Variants in CWC27 observed in about 807,000 individuals in gnomAD.
CWC27 encodes the protein spliceosome-associated protein CWC27 homolog.
CWC27 carries 47 observed loss-of-function variants against 63.6 expected under a neutral mutation model. That is an observed-to-expected ratio of 0.74 (90% confidence interval 0.58 to 0.94). The LOEUF (loss-of-function observed/expected upper bound fraction) is 0.94. Among genes scored for constraint, CWC27 ranks in the 40% least tolerant of loss-of-function variants. The probability of loss-of-function intolerance (pLI) is 0.00; values close to 1 mark genes in which losing one functional copy is unlikely to be tolerated. For synonymous variants in CWC27, 175 were observed against 179.8 expected, an observed-to-expected ratio of 0.97 and a Z score of 0.22; for missense variants, 495 against 554.3, an observed-to-expected ratio of 0.89 and a Z score of 1.07.
chr5:64,778,106 A>G (rs1045735622), intron 2 of CWC27, among the ~76,000 whole-genome samples: 4 of 152,342 alleles, frequency 2.6e-5, no homozygotes, highest in East Asian at 1.9e-4. Flanking sequence ...TGAAAACACA[A>G]GTAATAAAGA....
Position 64,885,446 on chromosome 5 carries a change from A to G in CWC27, c.942A>G (p.Glu314=). ...TATAACTCTTTTTGCTTTATAGTGA[A>G]GAGCTCAGAAAAGAAGCAAGACAAT... ...EVEKKSVSRS[E]ELRKEARQLK... Residue 314 remains glutamate, a synonymous_variant, in exon 11 of 14, where the codon GAA becomes GAG. Coordinates refer to ENST00000381070, the MANE Select transcript of CWC27 (RefSeq NM_005869.4). 1.2e-6 allele frequency: 2 copies of G among 1,602,826 alleles called. No individual in the cohort carries two copies. The highest frequency in any genetic ancestry group is 1.7e-6 in the Non-Finnish European group (2 of 1,174,192).
intron 13 of CWC27, among the ~76,000 whole-genome samples, chr5:65,005,058 A>T (rs767377411): frequency 5.9e-5 from 9 of 151,370 alleles, no homozygotes; most frequent in Non-Finnish European, 1.0e-4. Context: ...ATTAGGCCGC[A>T]CTTGTTAGTG....
intron 9 of CWC27, among the ~76,000 whole-genome samples, chr5:64,803,986 G>GAGTT (rs1257053197): frequency 1.3e-5 from 2 of 151,830 alleles, no homozygotes; most frequent in Non-Finnish European, 2.9e-5. Flanking sequence ...AGCTGGGCAT[G>GAGTT]AGTTGAGCGA....
chr5:65,006,048 G>A (rs2112470144), intron 13 of CWC27, among the ~76,000 whole-genome samples: 1 of 152,192 alleles, frequency 6.6e-6, no homozygotes, highest in South Asian at 2.1e-4. Flanking sequence ...CATTTGAAAT[G>A]AATCTAAAGC....
chr5:64,964,974 T>C (rs530150397), intron 11 of CWC27, among the ~76,000 whole-genome samples: 1 of 152,112 alleles, frequency 6.6e-6, no homozygotes, highest in African/African-American at 2.4e-5. Context: ...AACTCAAAGA[T>C]AGTTGCAGAT....
At chr5:64,987,819 G>GT (rs1749464301) in intron 13 of CWC27, among the ~76,000 whole-genome samples, 2 of 152,004 alleles carry the variant, frequency 1.3e-5, no homozygotes, top group Non-Finnish European at 2.9e-5. Flanking sequence ...TCAAATTGTT[G>GT]TTTCCTTATA....
chr5:64,818,043 T>G (rs1205210502), intron 10 of CWC27, among the ~76,000 whole-genome samples: 2 of 152,130 alleles, frequency 1.3e-5, no homozygotes, highest in African/African-American at 4.8e-5. Context: ...TTTTAACATT[T>G]ATGGTGTTGA....
intron 10 of CWC27, among the ~76,000 whole-genome samples, chr5:64,832,946 A>G (rs796094689): frequency 1.4e-4 from 22 of 151,868 alleles, no homozygotes; most frequent in African/African-American, 5.3e-4. Context: ...TAGAGCACAG[A>G]CTCTAGGACC....
Position 64,772,642 on chromosome 5 carries a change from A to G in CWC27, c.43-2049A>G, listed in dbSNP as rs867989806. ...TCTGTCTCAAAAAAAAAAAAAAAAAAAAAAAAAAAAAAAGTCCAGGCGCAG... is the reference window on the plus strand; with the variant it reads ...TCTGTCTCAAAAAAAAAAAAAAAAAGAAAAAAAAAAAAAGTCCAGGCGCAG... On this transcript the variant is annotated intron_variant, in intron 1 of 13. Coordinates refer to ENST00000381070, the MANE Select transcript of CWC27 (RefSeq NM_005869.4). 6.9e-3 allele frequency among the ~76,000 whole-genome samples: 986 copies of G among 142,992 alleles called. 21 individuals are homozygous for G. Among genetic ancestry groups the G allele is most frequent in the African/African-American group, 0.025 (936 of 38,186 alleles). The allele number at this position is 142,992 out of a possible 152,430, so 93.8% of individuals were successfully genotyped here. A position where few individuals can be genotyped will look rare whatever the true frequency, so the allele number is the denominator to read the frequency against.
At chr5:64,946,250 C>A (rs1748590178) in intron 11 of CWC27, among the ~76,000 whole-genome samples, 2 of 152,148 alleles carry the variant, frequency 1.3e-5, no homozygotes, top group South Asian at 2.1e-4. Context: ...AGAAGGAATT[C>A]TTTAAAGTAG....
chr5:64,932,098 T>C (rs1005453303), intron 11 of CWC27, among the ~76,000 whole-genome samples: 4 of 152,166 alleles, frequency 2.6e-5, no homozygotes, highest in African/African-American at 9.6e-5. Context: ...GATTTATATG[T>C]ATTAATTTAT....
intron 9 of CWC27, 62 bp downstream of exon 9, chr5:64,801,394 C>A: frequency 2.5e-6 from 3 of 1,190,796 alleles, no homozygotes; most frequent in South Asian, 3.8e-5. Flanking sequence ...AAAATTTTTA[C>A]AAAAACTTAA....
chr5:64,982,837 G>T (rs1024054783), intron 13 of CWC27, among the ~76,000 whole-genome samples: 5 of 152,192 alleles, frequency 3.3e-5, no homozygotes, highest in Non-Finnish European at 7.4e-5. Flanking sequence ...TCCATGGCCT[G>T]TTAGGAACTG....
intron 10 of CWC27, among the ~76,000 whole-genome samples, chr5:64,846,993 CAAAAAAAAAAAA>C (rs35090437): frequency 2.3e-5 from 2 of 86,202 alleles, no homozygotes; most frequent in Non-Finnish European, 4.5e-5. Flanking sequence ...GACTCCATCT[CAAAAAAAAAAAA>C]AAAAAAGAAA....
intron 11 of CWC27, among the ~76,000 whole-genome samples, chr5:64,968,229 C>T (rs539885169): frequency 1.8e-3 from 271 of 151,922 alleles, no homozygotes; most frequent in African/African-American, 6.1e-3. Flanking sequence ...ATGACAATAC[C>T]GATATATTTG....
chr5:64,920,715 T>C (rs1459743129), intron 11 of CWC27, among the ~76,000 whole-genome samples: 1 of 152,212 alleles, frequency 6.6e-6, no homozygotes, highest in East Asian at 1.9e-4. Context: ...TATCCATTTC[T>C]TCTAAGATTT....
chr5:64,867,753 A>G (rs1351969900), intron 10 of CWC27, among the ~76,000 whole-genome samples: 2 of 152,120 alleles, frequency 1.3e-5, no homozygotes, highest in Admixed American at 1.3e-4. Context: ...AAGACATAGC[A>G]GACCCCACCT....
chr5:64,894,137 C>T (rs1282868440), intron 11 of CWC27, among the ~76,000 whole-genome samples: 6 of 152,068 alleles, frequency 3.9e-5, no homozygotes, highest in African/African-American at 1.4e-4. Flanking sequence ...ACCATGTTGA[C>T]CAGGCTGGTC....
Position 65,018,533 on chromosome 5 carries a change from A to G in CWC27, c.*212A>G, listed in dbSNP as rs1002109660. 2 of 391,936 alleles carry G rather than the reference A, an allele frequency of 5.1e-6. No homozygotes were observed. Among genetic ancestry groups the G allele is most frequent in the South Asian group, 6.0e-5 (1 of 16,538 alleles). The allele number at this position is 391,936 out of a possible 1,614,324, so 24.3% of individuals were successfully genotyped here. A position where few individuals can be genotyped will look rare whatever the true frequency, so the allele number is the denominator to read the frequency against. On this transcript the variant is annotated 3_prime_UTR_variant, in exon 14 of 14. Coordinates refer to ENST00000381070, the MANE Select transcript of CWC27 (RefSeq NM_005869.4). The stretch of plus-strand genomic sequence containing the variant: ...TGGTACATGTGTTTTTTCCTAGCTG[A>G]CCTTTTATATTGCTAAATCTGAAAT...
Sources: gnomAD v4.1 joint callset for allele counts (sites outside exome capture counted in the v4.1 genomes callset) on GRCh38, gnomAD v4.1.1 for gene constraint, MANE v1.5 for transcripts, NCBI Gene and HGNC (gene_info 2026-07-23, HGNC 2026-07-21) for gene names.